The following UGT2B4 variants were observed in gnomAD, a reference collection of about 807,000 sequenced individuals.
The protein encoded by UGT2B4 is UDP glucuronosyltransferase family 2 member B4.
UGT2B4 carries 49 observed loss-of-function variants against 49.8 expected under a neutral mutation model. The observed-to-expected ratio is 0.98, with a 90% confidence interval of 0.78 to 1.25. UGT2B4 has a LOEUF of 1.25. Ranked by LOEUF, UGT2B4 falls within the 50% of genes most tolerant of loss-of-function variation. The pLI is 0.00. For synonymous variants in UGT2B4, 246 were observed against 217.7 expected (o/e 1.13, Z -1.14); for missense variants, 729 against 627.7 (o/e 1.16, Z -1.73).
At chr4:69,507,394 C>T (rs931795404) in intron 1 of UGT2B4, among the ~76,000 whole-genome samples, 24 of 152,046 alleles carry the variant, frequency 1.6e-4, no homozygotes, top group Non-Finnish European at 1.5e-4. Context: ...ATTCAATGTG[C>T]AGAAATCACT....
At chr4:69,507,553 T>G (rs1394239619) in intron 1 of UGT2B4, among the ~76,000 whole-genome samples, 1 of 152,028 alleles carries the variant, frequency 6.6e-6, no homozygotes, top group East Asian at 1.9e-4. Context: ...AAACAAGTAC[T>G]GCCGAAAGAA....
exon 1 of UGT2B4, chr4:69,525,882 A>G (rs112259104): frequency 0.054 from 16,196 of 302,414 alleles, 1,010 homozygotes; most frequent in East Asian, 0.34. Context: ...CGGGTGGATC[A>G]AGAGGTCAGG....
chr4:69,520,138 A>G (rs1456376638), intron 1 of UGT2B4, among the ~76,000 whole-genome samples: 2 of 152,238 alleles, frequency 1.3e-5, no homozygotes, highest in Non-Finnish European at 2.9e-5. Context: ...TAAGAAAAAT[A>G]TATCACATAT....
At chr4:69,508,008 C>T (rs1320029045) in intron 1 of UGT2B4, among the ~76,000 whole-genome samples, 1 of 151,856 alleles carries the variant, frequency 6.6e-6, no homozygotes, top group African/African-American at 2.4e-5. Context: ...AACAAATTTA[C>T]TAGAAAAAAT....
At chr4:69,483,001 C>T (rs1727647458) in intron 5 of UGT2B4, among the ~76,000 whole-genome samples, 1 of 151,978 alleles carries the variant, frequency 6.6e-6, no homozygotes, top group Non-Finnish European at 1.5e-5. Context: ...AATTTCTGGA[C>T]ACTATTAATA....
upstream of UGT2B4, among the ~76,000 whole-genome samples, chr4:69,499,036 G>T (rs937025961): frequency 6.6e-6 from 1 of 152,066 alleles, no homozygotes; most frequent in African/African-American, 2.4e-5. Flanking sequence ...TGCTTTAGCC[G>T]CATCTCAGAG....
chr4:69,482,692 C>T (rs1024343614), intron 5 of UGT2B4, among the ~76,000 whole-genome samples: 2 of 151,914 alleles, frequency 1.3e-5, no homozygotes, highest in African/African-American at 4.8e-5. Flanking sequence ...CTGCAACCTC[C>T]ACCTCCCAGG....
intron 5 of UGT2B4, among the ~76,000 whole-genome samples, chr4:69,481,544 C>T (rs1021186072): frequency 1.3e-5 from 2 of 152,064 alleles, no homozygotes; most frequent in African/African-American, 4.8e-5. Flanking sequence ...TTTGTGGTTA[C>T]ATAGTAGGGG....
chr4:69,489,227 T>C (rs1337583927), intron 3 of UGT2B4, among the ~76,000 whole-genome samples: 1 of 152,158 alleles, frequency 6.6e-6, no homozygotes, highest in Non-Finnish European at 1.5e-5. Flanking sequence ...CTGATCACAA[T>C]ATTAATGCCA....
intron 2 of UGT2B4, among the ~76,000 whole-genome samples, chr4:69,491,095 C>T (rs1727971821): frequency 6.6e-6 from 1 of 151,998 alleles, no homozygotes; most frequent in Non-Finnish European, 1.5e-5. Context: ...CATATGTTTT[C>T]ATCATGGCTT....
intron 2 of UGT2B4, 131 bp from the exon 3 acceptor site, chr4:69,489,701 GACTCAATT>G: frequency 7.5e-7 from 1 of 1,332,216 alleles, no homozygotes. Context: ...TTTTTTAACT[GACTCAATT>G]ACTCAGTTTT....
Position 69,495,428 on chromosome 4 carries a change from A to G in UGT2B4, c.434T>C (p.Phe145Ser), listed in dbSNP as rs1728125960. The G allele has an allele frequency of 6.2e-7, 1 of 1,613,790 alleles. No individual in the cohort carries two copies. The highest frequency in any genetic ancestry group is 2.2e-5 in the East Asian group (1 of 44,838). The change falls in exon 1 of 6, where the codon TTT (phenylalanine) becomes TCT (serine). Residue 145 changes from phenylalanine to serine, a missense_variant. Transcript: ENST00000305107. ...AACAGCATCTGCAAGAACAACATCA[A>G]ATCTTGACTCCTGTAGTTTCTTCAT... ...KLMKKLQESR[F>S]DVVLADAVFP...
At chr4:69,524,016 C>T (rs1019953501) in intron 1 of UGT2B4, among the ~76,000 whole-genome samples, 3 of 152,072 alleles carry the variant, frequency 2.0e-5, no homozygotes, top group African/African-American at 7.2e-5. Flanking sequence ...TTCACATATT[C>T]AAAAGAGCTA....
chr4:69,525,543 A>G (rs1268078118), intron 1 of UGT2B4: 1 of 227,156 alleles, frequency 4.4e-6, no homozygotes, highest in Non-Finnish European at 7.8e-6. Context: ...CCATATAAAT[A>G]ATTATAAATT....
rs1378855475 is a variant in UGT2B4, at chr4:69,489,494, G to A, written c.947C>T (p.Thr316Met). Residue 316 changes from threonine to methionine, a missense_variant, in exon 3 of 6, where the codon ACG (threonine) becomes ATG (methionine). Physicochemically the swap from Thr to Met is moderately conservative, Grantham distance 81. Transcript: ENST00000305107. Reference sequence around the variant, plus strand: ...AATTACATTGGCCCTTTCTTCTGACGTGTTACTGACCATCGACCCCAGAGA... The same window carrying A: ...AATTACATTGGCCCTTTCTTCTGACATGTTACTGACCATCGACCCCAGAGA... ...VFSLGSMVSN[T>M]SEERANVIAS... 5 of 1,611,494 alleles carry A rather than the reference G, an allele frequency of 3.1e-6. No homozygotes were observed. Among genetic ancestry groups the A allele is most frequent in the South Asian group, 1.1e-5 (1 of 91,022 alleles).
chr4:69,497,980 C>T (rs565699610), upstream of UGT2B4, among the ~76,000 whole-genome samples: 2 of 149,586 alleles, frequency 1.3e-5, no homozygotes, highest in Admixed American at 1.4e-4. Flanking sequence ...AGTTAGTAGC[C>T]AACAACATTA....
chr4:69,490,441 G>A lies in UGT2B4; in HGVS notation c.871-871C>T, dbSNP rs41297387. On this transcript the variant is annotated intron_variant, in intron 2 of 5. Transcript: ENST00000305107. ...GGCAGCAGCACTTGCACCAGAATGC[G>A]AGAGACTGCCAGAACTTTCTGCAGA... Among the ~76,000 whole-genome samples the A allele has an allele frequency of 1.6e-4, 25 of 152,200 alleles. No individual in the cohort carries two copies. The East Asian group carries it at 4.5e-3, about 27-fold the overall frequency.
chr4:69,503,212 G>C (rs1055623324), intron 1 of UGT2B4, among the ~76,000 whole-genome samples: 34 of 152,144 alleles, frequency 2.2e-4, no homozygotes, highest in Non-Finnish European at 3.8e-4. Flanking sequence ...GCACTCCTTG[G>C]ACTTCTGCCC....
chr4:69,509,118 GT>G (rs906975624), intron 1 of UGT2B4, among the ~76,000 whole-genome samples: 1 of 148,828 alleles, frequency 6.7e-6, no homozygotes, highest in South Asian at 2.1e-4. Context: ...TTTTCTGAAG[GT>G]TTTTTTATGT....
Sources: gnomAD v4.1 joint callset for allele counts (sites outside exome capture counted in the v4.1 genomes callset) on GRCh38, gnomAD v4.1.1 for gene constraint, MANE v1.5 for transcripts, NCBI Gene and HGNC (gene_info 2026-07-23, HGNC 2026-07-21) for gene names.